Variants in STRN observed in about 807,000 individuals in gnomAD.
The protein encoded by STRN is striatin.
STRN carries 53 observed loss-of-function variants against 96.3 expected under a neutral mutation model. That is an observed-to-expected ratio of 0.55 (90% CI 0.44 to 0.69). The LOEUF is 0.69. STRN is among the 30% of genes least tolerant of loss of function. The pLI is 0.00. For synonymous variants in STRN, 428 were observed against 355.9 expected (o/e 1.20, Z -2.28); for missense variants, 987 against 963.9 (o/e 1.02, Z -0.32).
chr2:36,881,637 T>A (rs572222504), intron 9 of STRN, among the ~76,000 whole-genome samples: 2 of 152,310 alleles, frequency 1.3e-5, no homozygotes, highest in South Asian at 2.1e-4. Context: ...CTGCAGATAG[T>A]AAGTTAAACA....
chr2:36,866,160 C>T (rs1472241210), intron 12 of STRN, among the ~76,000 whole-genome samples: 1 of 152,010 alleles, frequency 6.6e-6, no homozygotes, highest in Non-Finnish European at 1.5e-5. Flanking sequence ...CTGCAAACTC[C>T]ACCTCCCGGG....
At chr2:36,876,621 T>A (rs916531724) in intron 10 of STRN, among the ~76,000 whole-genome samples, 1 of 152,190 alleles carries the variant, frequency 6.6e-6, no homozygotes, top group Admixed American at 6.5e-5. Flanking sequence ...ACATTGTGTT[T>A]TCCAACAGAG....
intron 4 of STRN, among the ~76,000 whole-genome samples, chr2:36,903,209 A>ACAGAAT (rs1669735340): frequency 6.6e-6 from 1 of 152,170 alleles, no homozygotes; most frequent in South Asian, 2.1e-4. Flanking sequence ...GAGTCACTCT[A>ACAGAAT]CAGAATTGAA....
intron 1 of STRN, among the ~76,000 whole-genome samples, chr2:36,940,425 T>C (rs1670815766): frequency 6.6e-6 from 1 of 152,154 alleles, no homozygotes. Flanking sequence ...TAATAAAAAA[T>C]ACAAATTATC....
At chr2:36,925,769 T>C (rs940287696) in intron 1 of STRN, among the ~76,000 whole-genome samples, 1 of 152,174 alleles carries the variant, frequency 6.6e-6, no homozygotes, top group Non-Finnish European at 1.5e-5. Context: ...TGAGACTCCA[T>C]ATCAAAAAAT....
At chr2:36,927,690 A>C (rs909803662) in intron 1 of STRN, among the ~76,000 whole-genome samples, 2 of 152,170 alleles carry the variant, frequency 1.3e-5, no homozygotes, top group African/African-American at 4.8e-5. Flanking sequence ...AAAATAAAGT[A>C]CAATCAGATT....
At chr2:36,876,764 T>C (rs74828091) in intron 10 of STRN, among the ~76,000 whole-genome samples, 1 of 151,816 alleles carries the variant, frequency 6.6e-6, no homozygotes, top group Non-Finnish European at 1.5e-5. Context: ...TTTTTTTTTT[T>C]TGAGGCGGAG....
At chr2:36,889,888 C>A (rs1356441523) in intron 7 of STRN, among the ~76,000 whole-genome samples, 3 of 152,130 alleles carry the variant, frequency 2.0e-5, no homozygotes, top group Non-Finnish European at 4.4e-5. Context: ...GTTGTGAGAA[C>A]AGTCAAGCAT....
chr2:36,862,991 G>A (rs993607643), intron 12 of STRN, among the ~76,000 whole-genome samples: 4 of 152,098 alleles, frequency 2.6e-5, no homozygotes, highest in Admixed American at 2.6e-4. Flanking sequence ...CCAAAGTGCT[G>A]GGATTATAAG....
chr2:36,944,304 T>C (rs1027979503), intron 1 of STRN, among the ~76,000 whole-genome samples: 1 of 152,200 alleles, frequency 6.6e-6, no homozygotes, highest in African/African-American at 2.4e-5. Flanking sequence ...TCATACACTG[T>C]TGATTTTGCC....
intron 3 of STRN, among the ~76,000 whole-genome samples, chr2:36,907,691 T>C (rs900874658): frequency 6.6e-6 from 1 of 152,228 alleles, no homozygotes; most frequent in Non-Finnish European, 1.5e-5. Context: ...AAGGCAATTT[T>C]CAGGTTTTTT....
chr2:36,925,214 T>G lies in STRN; in HGVS notation c.235-6A>C. 1 of 1,610,964 alleles carries G rather than the reference T, an allele frequency of 6.2e-7. No homozygotes were observed. The highest frequency in any genetic ancestry group is 8.5e-7 in the Non-Finnish European group (1 of 1,177,680). On this transcript the variant is annotated splice_region_variant and splice_polypyrimidine_tract_variant and intron_variant, in intron 1 of 17. Transcript: ENST00000263918. ...TGCAGGAAGGCAATCTGGGCCTGAG[T>G]AGGGGAAAGACAGAAAAAATTCAGT...
intron 6 of STRN, among the ~76,000 whole-genome samples, chr2:36,897,077 G>T (rs867837084): frequency 1.7e-4 from 26 of 151,968 alleles, no homozygotes; most frequent in African/African-American, 6.3e-4. Flanking sequence ...TGAGACAGGA[G>T]AATTGCTTGA....
chr2:36,917,798 A>T (rs968335434), intron 2 of STRN, among the ~76,000 whole-genome samples: 1 of 152,116 alleles, frequency 6.6e-6, no homozygotes, highest in African/African-American at 2.4e-5. Flanking sequence ...TATGTATGAA[A>T]TATTTTATAG....
chr2:36,881,428 C>T (rs1010673861), intron 9 of STRN, among the ~76,000 whole-genome samples: 6 of 152,006 alleles, frequency 3.9e-5, no homozygotes, highest in East Asian at 3.8e-4. Context: ...AAACTGCACC[C>T]GGCCCTGCCT....
chr2:36,868,003 TAACAC>T (rs1302180979), intron 11 of STRN, 142 bp from the exon 12 acceptor site: 3 of 473,128 alleles, frequency 6.3e-6, no homozygotes, highest in Non-Finnish European at 1.1e-5. Flanking sequence ...AAAGCTTACT[TAACAC>T]CAATTATACT....
At position 36,843,047 on chromosome 2, in the gene STRN, T is replaced by C. The variant is rs1014904505; in HGVS notation, c.*6409A>G. Among the ~76,000 whole-genome samples, 1 of 152,138 alleles carries C rather than the reference T, an allele frequency of 6.6e-6. No individual in the cohort carries two copies. The highest frequency in any genetic ancestry group is 1.5e-5 in the Non-Finnish European group (1 of 68,016). On this transcript the variant is annotated 3_prime_UTR_variant, in exon 18 of 18. Transcript: ENST00000263918. ...AGGCTGACCCCAGGAGGTTCATCAATCCGTGAATAATTTTTGGAGTTTTAA... is the reference window on the plus strand; with the variant it reads ...AGGCTGACCCCAGGAGGTTCATCAACCCGTGAATAATTTTTGGAGTTTTAA...
intron 1 of STRN, among the ~76,000 whole-genome samples, chr2:36,943,054 T>C (rs999834533): frequency 1.3e-5 from 2 of 152,134 alleles, no homozygotes; most frequent in South Asian, 2.1e-4. Context: ...CTTTGATGAT[T>C]ATTAATAATA....
chr2:36,865,956 T>C (rs1425918907), intron 12 of STRN, among the ~76,000 whole-genome samples: 1 of 152,230 alleles, frequency 6.6e-6, no homozygotes, highest in African/African-American at 2.4e-5. Flanking sequence ...TTGGTTTCAT[T>C]AGTTTCAAAG....
Sources: allele counts gnomAD v4.1 joint callset (sites outside exome capture counted in the v4.1 genomes callset), GRCh38; gene constraint gnomAD v4.1.1; transcripts MANE v1.5; gene names NCBI Gene and HGNC (gene_info 2026-07-23, HGNC 2026-07-21).